PCSK5: variants seen among roughly 807,000 people sequenced by gnomAD.
The protein encoded by PCSK5 is prohormone convertase 5.
Under a neutral mutation model 233.2 loss-of-function variants are expected in PCSK5, and 129 were observed. The observed-to-expected ratio is 0.55, with a 90% CI of 0.48 to 0.64. PCSK5 has a LOEUF of 0.64. Among genes scored for constraint, PCSK5 ranks in the 30% least tolerant of loss-of-function variants. The pLI is 0.00. For synonymous variants in PCSK5, 825 were observed against 879.2 expected, an observed-to-expected ratio of 0.94 and a Z score of 1.09; for missense variants, 2,076 against 2,430.1, an observed-to-expected ratio of 0.85 and a Z score of 3.06.
Position 76,338,253 on chromosome 9 carries a change from G to A in PCSK5, c.4772G>A (p.Gly1591Asp), listed in dbSNP as rs1447096491. Residue 1591 changes from glycine to aspartate, a missense_variant, in exon 35 of 38, where the codon GGC (glycine) becomes GAC (aspartate). Gly to Asp is a moderately conservative substitution (Grantham distance 94). Coordinates refer to ENST00000674117, the MANE Select transcript of PCSK5 (RefSeq NM_001372043.1). Reference protein sequence around the residue: ...REGYYADNSTGRCERCNRSCK... With the variant: ...REGYYADNSTDRCERCNRSCK... The stretch of plus-strand genomic sequence containing the variant: ...AGATATTACGCAGACAACTCCACTG[G>A]CCGGTGTGAGAGGTGCAACAGGAGC... 1 of 1,612,328 alleles carries A rather than the reference G, an allele frequency of 6.2e-7. No homozygotes were observed. The highest frequency in any genetic ancestry group is 1.3e-5 in the African/African-American group (1 of 75,026).
chr9:76,285,215 C>T (rs1407282270), intron 24 of PCSK5, among the ~76,000 whole-genome samples: 1 of 151,996 alleles, frequency 6.6e-6, no homozygotes, highest in African/African-American at 2.4e-5. Flanking sequence ...AATGGAGCCC[C>T]TAGTTTGGTA....
At chr9:76,307,465 T>C (rs1828737063) in intron 28 of PCSK5, among the ~76,000 whole-genome samples, 1 of 152,188 alleles carries the variant, frequency 6.6e-6, no homozygotes, top group African/African-American at 2.4e-5. Context: ...CCCTGAGCTC[T>C]AGTCAAGGTC....
chr9:76,086,859 A>C (rs1263633453), intron 7 of PCSK5, among the ~76,000 whole-genome samples: 1 of 152,212 alleles, frequency 6.6e-6, no homozygotes, highest in Admixed American at 6.5e-5. Context: ...GTCCAACTTT[A>C]CATAATATCC....
At chr9:75,977,953 T>A (rs1826102197) in intron 2 of PCSK5, among the ~76,000 whole-genome samples, 1 of 152,080 alleles carries the variant, frequency 6.6e-6, no homozygotes, top group South Asian at 2.1e-4. Context: ...AAGGGGTCAA[T>A]GAAACATTAA....
intron 9 of PCSK5, among the ~76,000 whole-genome samples, chr9:76,112,335 C>A (rs963469): frequency 0.091 from 13,837 of 152,154 alleles, 1,015 homozygotes; most frequent in East Asian, 0.35. Flanking sequence ...CTTTTTCTTA[C>A]ATTTCATATC....
At position 76,185,040 on chromosome 9, in the gene PCSK5, G is replaced by C. The variant is rs937438576; in HGVS notation, c.2282+283G>C. 9.8e-5 allele frequency among the ~76,000 whole-genome samples: 15 copies of C among 152,320 alleles called. No homozygotes were observed. In the South Asian group the frequency reaches 2.9e-3, roughly 29 times the overall value. On this transcript the variant is annotated intron_variant, in intron 17 of 37. Transcript: ENST00000674117. Reference sequence around the variant, plus strand: ...AATGGCCATTTGAGAGGCATTCTTTGTGCTTTTTAACCTGCATTGTGCCAG... The same window carrying C: ...AATGGCCATTTGAGAGGCATTCTTTCTGCTTTTTAACCTGCATTGTGCCAG...
chr9:76,252,258 G>C (rs566022572), intron 24 of PCSK5, among the ~76,000 whole-genome samples: 1 of 152,062 alleles, frequency 6.6e-6, no homozygotes, highest in Non-Finnish European at 1.5e-5. Context: ...TGACAGAAGC[G>C]AGACTCCGTC....
chr9:76,046,891 T>A (rs1829433147), intron 5 of PCSK5, among the ~76,000 whole-genome samples: 1 of 151,992 alleles, frequency 6.6e-6, no homozygotes, highest in African/African-American at 2.4e-5. Flanking sequence ...CCCAGTACAG[T>A]CTGTGAACAC....
At chr9:75,940,886 G>C (rs1315072892) in intron 2 of PCSK5, among the ~76,000 whole-genome samples, 1 of 152,178 alleles carries the variant, frequency 6.6e-6, no homozygotes, top group Non-Finnish European at 1.5e-5. Context: ...ACATATAGCC[G>C]ATCTACTAGG....
chr9:76,064,731 C>A (rs1043627795), intron 5 of PCSK5, among the ~76,000 whole-genome samples: 30 of 147,748 alleles, frequency 2.0e-4, no homozygotes, highest in African/African-American at 7.6e-4. Flanking sequence ...ACCTCCCAGA[C>A]GGGGTCTCGG....
At chr9:76,108,540 G>A (rs1316328557) in intron 9 of PCSK5, among the ~76,000 whole-genome samples, 2 of 152,196 alleles carry the variant, frequency 1.3e-5, no homozygotes, top group African/African-American at 2.4e-5. Flanking sequence ...GGATCACGAG[G>A]TCAAGAGATC....
At chr9:76,148,642 G>T (rs1443368456) in intron 10 of PCSK5, among the ~76,000 whole-genome samples, 1 of 152,094 alleles carries the variant, frequency 6.6e-6, no homozygotes, top group East Asian at 1.9e-4. Flanking sequence ...ATACCCTTCT[G>T]TCCATCACCC....
intron 1 of PCSK5, among the ~76,000 whole-genome samples, chr9:75,897,435 G>A (rs1448164216): frequency 6.6e-6 from 1 of 150,580 alleles, no homozygotes; most frequent in Admixed American, 6.6e-5. Flanking sequence ...CTGTTGGACA[G>A]CCCTTGTTTA....
At chr9:76,147,673 T>A (rs1823495526) in intron 10 of PCSK5, among the ~76,000 whole-genome samples, 1 of 152,208 alleles carries the variant, frequency 6.6e-6, no homozygotes, top group South Asian at 2.1e-4. Context: ...GCCCCCCATA[T>A]GTAATGAATT....
At chr9:76,186,564 A>T (rs779248695) in intron 17 of PCSK5, among the ~76,000 whole-genome samples, 4 of 152,156 alleles carry the variant, frequency 2.6e-5, no homozygotes, top group South Asian at 2.1e-4. Flanking sequence ...GCCTCGCAGT[A>T]CCTGTATTTT....
intron 17 of PCSK5, among the ~76,000 whole-genome samples, chr9:76,186,454 C>T (rs1430544337): frequency 6.6e-6 from 1 of 152,190 alleles, no homozygotes; most frequent in Admixed American, 6.5e-5. Context: ...CTTTCGAGGT[C>T]TCAGTAGCCA....
At chr9:76,232,158 C>T (rs1389688419) in intron 21 of PCSK5, among the ~76,000 whole-genome samples, 1 of 152,200 alleles carries the variant, frequency 6.6e-6, no homozygotes, top group African/African-American at 2.4e-5. Flanking sequence ...GAAGTTTAAA[C>T]AAGCCAGTGC....
At position 76,296,107 on chromosome 9, in the gene PCSK5, TCTCA is replaced by T. The variant is rs369265402; in HGVS notation, c.3323-554_3323-551del. On this transcript the variant is annotated intron_variant, in intron 26 of 37. Coordinates refer to ENST00000674117, the MANE Select transcript of PCSK5 (RefSeq NM_001372043.1). Reference sequence around the variant, plus strand: ...AAGTGTTGGATTTTTTTAGATGGAGTCTCACTCTTGTCACCCAGGTTGGAGTGCA... The same window carrying T: ...AAGTGTTGGATTTTTTTAGATGGAGTCTCTTGTCACCCAGGTTGGAGTGCA... 1.7e-4 allele frequency among the ~76,000 whole-genome samples: 26 copies of T among 152,052 alleles called. No homozygotes were observed. In the East Asian group the frequency reaches 4.8e-3, roughly 28 times the overall value.
intron 24 of PCSK5, chr9:76,287,278 TG>T (rs1828107795): frequency 8.8e-6 from 2 of 227,908 alleles, no homozygotes; most frequent in South Asian, 1.6e-4. Context: ...GGAGCAAATG[TG>T]GGGCTTATTC....
Sources: allele counts gnomAD v4.1 joint callset (sites outside exome capture counted in the v4.1 genomes callset), GRCh38; gene constraint gnomAD v4.1.1; transcripts MANE v1.5; gene names NCBI Gene and HGNC (gene_info 2026-07-23, HGNC 2026-07-21).